The following PKD1L3 variants were observed in gnomAD, a reference collection of about 807,000 sequenced individuals.
PKD1L3 encodes polycystin-1-like protein 3.
PKD1L3 carries 239 observed loss-of-function variants against 184.1 expected under a neutral mutation model. The ratio of observed to expected loss-of-function variants is 1.30; its 90% CI spans 1.17 to 1.45. The LOEUF (loss-of-function observed/expected upper bound fraction) is 1.45. Among genes scored for constraint, PKD1L3 ranks in the 40% most tolerant of loss-of-function variants. The probability of loss-of-function intolerance (pLI) is 0.00; values close to 1 mark genes in which losing one functional copy is unlikely to be tolerated. For synonymous variants in PKD1L3, 996 were observed against 778.8 expected (o/e 1.28, Z -4.64); for missense variants, 2,660 against 2,067.2 (o/e 1.29, Z -5.56).
intron 2 of PKD1L3, among the ~76,000 whole-genome samples, chr16:71,993,673 T>G (rs926482205): frequency 1.3e-5 from 2 of 152,206 alleles, no homozygotes; most frequent in Non-Finnish European, 2.9e-5. Context: ...CCAAAAAAGT[T>G]TGCAACCTCC....
Position 71,934,005 on chromosome 16 carries a change from C to G in PKD1L3, c.4734G>C (p.Arg1578=). The change falls in exon 27 of 30, where the codon CGG becomes CGC. Residue 1578 remains arginine (R), a synonymous_variant. Coordinates refer to ENST00000620267, the MANE Select transcript of PKD1L3 (RefSeq NM_181536.2). ...WNLLRHSPRL[R]VISRTLSRAW... ...CTCGGCTCAGTGTCCTGCTGATGAC[C>G]CGCAGCCTGGGGCTATGACGCAGCA... 2 of 1,551,670 alleles carry G rather than the reference C, an allele frequency of 1.3e-6. No homozygotes were observed. The highest frequency in any genetic ancestry group is 1.7e-6 in the Non-Finnish European group (2 of 1,146,992).
chr16:71,969,678 G>T (rs546840269), intron 13 of PKD1L3, among the ~76,000 whole-genome samples, 197 bp downstream of exon 13: 1 of 145,514 alleles, frequency 6.9e-6, no homozygotes, highest in African/African-American at 2.5e-5. Flanking sequence ...GGAACCAAAG[G>T]AAAAAAAAAT....
chr16:71,946,308 T>A (rs1419053536), intron 22 of PKD1L3, among the ~76,000 whole-genome samples: 2 of 152,210 alleles, frequency 1.3e-5, no homozygotes, highest in African/African-American at 4.8e-5. Flanking sequence ...TACCCCTCTG[T>A]GATGGCATTC....
In PKD1L3 at chr16:71,947,529, C is replaced by G. The variant is rs899986949; in HGVS notation, c.3681G>C (p.Glu1227Asp). The G allele has an allele frequency of 1.0e-5, 16 of 1,542,276 alleles. No homozygotes were observed. Among genetic ancestry groups the G allele is most frequent in the Non-Finnish European group, 1.4e-5 (16 of 1,142,752 alleles). ...MMSRMPRLNK[E>D]NEQQTKRILA... ...AGATCCTCTTTGTTTGTTGTTCATT[C>G]TCTTTGTTAAGCCGTGGCATCCTGC... is the stretch of plus-strand genomic sequence containing the variant. Residue 1227 changes from glutamate (E) to aspartate (D), a missense_variant, in exon 22 of 30, where the codon GAG becomes GAC. Transcript: ENST00000620267.
At chr16:71,978,760 G>A (rs912176532) in intron 9 of PKD1L3, among the ~76,000 whole-genome samples, 2 of 151,610 alleles carry the variant, frequency 1.3e-5, no homozygotes, top group Non-Finnish European at 1.5e-5. Context: ...CGCTGGTCTC[G>A]AACTCCTGGC....
chr16:71,969,409 G>A (rs907002193), intron 13 of PKD1L3, among the ~76,000 whole-genome samples: 9 of 150,310 alleles, frequency 6.0e-5, no homozygotes, highest in South Asian at 2.1e-4. Context: ...GGGCTCAAGC[G>A]ATCTTCCCAC....
intron 12 of PKD1L3, among the ~76,000 whole-genome samples, chr16:71,972,176 A>C (rs1205987668): frequency 6.6e-6 from 1 of 151,978 alleles, no homozygotes; most frequent in East Asian, 1.9e-4. Flanking sequence ...AGATCGCGCC[A>C]CTGCACCCCA....
In PKD1L3 at chr16:71,993,244, A is replaced by C. The variant is rs2040660672; in HGVS notation, c.507T>G (p.Val169=). 1 of 1,550,124 alleles carries C rather than the reference A, an allele frequency of 6.5e-7. No individual in the cohort carries two copies. Among genetic ancestry groups the C allele is most frequent in the African/African-American group, 1.4e-5 (1 of 72,872 alleles). The change falls in exon 3 of 30, where the codon GTT becomes GTG. Residue 169 remains valine (V), a synonymous_variant. Transcript: ENST00000620267. ...YQRHKKTKRG[V]AIARDKMPPG... is the part of the protein sequence containing the mutation. ...GGGGCATTTTGTCTCTTGCTATTGC[A>C]ACTCCTCTTTTTGTCTTCTTGTGTC...
rs531518264 is a variant in PKD1L3 at position 71,962,250 on chromosome 16, A to C, written c.2612+955T>G. Among the ~76,000 whole-genome samples, 4 of 152,088 alleles carry C rather than the reference A, an allele frequency of 2.6e-5. No individual in the cohort carries two copies. In the East Asian group the frequency reaches 7.8e-4, roughly 30 times the overall value. On this transcript the variant is annotated intron_variant, in intron 16 of 29. Coordinates refer to ENST00000620267, the MANE Select transcript of PKD1L3 (RefSeq NM_181536.2). ...GGACATGGTGTGTGGGCCTCTTGCA[A>C]TCATCTTGTTCCCATGAGGAAAAAG...
chr16:71,975,450 GA>G (rs1382503197), intron 11 of PKD1L3, among the ~76,000 whole-genome samples: 2 of 152,020 alleles, frequency 1.3e-5, no homozygotes, highest in Admixed American at 6.6e-5. Context: ...GGCATACTGA[GA>G]TATCATCAGG....
intron 24 of PKD1L3, among the ~76,000 whole-genome samples, chr16:71,937,881 G>C (rs1289254563): frequency 6.6e-6 from 1 of 152,226 alleles, no homozygotes; most frequent in Non-Finnish European, 1.5e-5. Flanking sequence ...GAAAGGTCTT[G>C]TGAATACAAA....
At chr16:71,971,789 A>G (rs754225655) in intron 12 of PKD1L3, among the ~76,000 whole-genome samples, 1 of 152,200 alleles carries the variant, frequency 6.6e-6, no homozygotes, top group Non-Finnish European at 1.5e-5. Flanking sequence ...AATGGTGCAG[A>G]TGCCTTCCTA....
At chr16:71,982,278 CTTTTTTTTTT>C (rs35324670) in intron 6 of PKD1L3, 43 bp from the exon 7 acceptor site, 15 of 431,892 alleles carry the variant, frequency 3.5e-5, no homozygotes, top group South Asian at 8.9e-5. Flanking sequence ...GAATTGTTTG[CTTTTTTTTTT>C]TTTTTTTTTT....
At chr16:71,979,429 T>A (rs758480553) in intron 9 of PKD1L3, among the ~76,000 whole-genome samples, 3 of 151,466 alleles carry the variant, frequency 2.0e-5, no homozygotes, top group Admixed American at 6.6e-5. Flanking sequence ...GGGTGACAGA[T>A]TGAGACTCCA....
chr16:71,961,337 G>A (rs1165597082), intron 16 of PKD1L3, among the ~76,000 whole-genome samples: 1 of 152,082 alleles, frequency 6.6e-6, no homozygotes, highest in Non-Finnish European at 1.5e-5. Context: ...TGGCCAGGCT[G>A]GTCTCGAACT....
At chr16:71,943,106 T>A in intron 23 of PKD1L3, 82 bp from the exon 24 acceptor site, 1 of 1,171,166 alleles carries the variant, frequency 8.5e-7, no homozygotes, top group Non-Finnish European at 1.2e-6. Context: ...TTCCTAAGTC[T>A]ATAGACTTAT....
intron 16 of PKD1L3, among the ~76,000 whole-genome samples, chr16:71,955,922 G>A (rs2039027614): frequency 6.6e-6 from 1 of 152,150 alleles, no homozygotes; most frequent in African/African-American, 2.4e-5. Context: ...CCCAAGCCAT[G>A]CTTAACTGTG....
Position 71,973,362 on chromosome 16 carries a change from C to G in PKD1L3, c.1915G>C (p.Glu639Gln), listed in dbSNP as rs999119679. 3.9e-6 allele frequency: 6 copies of G among 1,551,554 alleles called. No homozygotes were observed. Among genetic ancestry groups the G allele is most frequent in the African/African-American group, 1.4e-5 (1 of 73,024 alleles). Residue 639 changes from glutamate to glutamine, a missense_variant, in exon 12 of 30, where the codon GAG (glutamate) becomes CAG (glutamine). Transcript: ENST00000620267. ...ITAVTQCYYWEIHNQTWSSAG... is the reference protein window; with the variant it reads ...ITAVTQCYYWQIHNQTWSSAG... ...CTGCTCCATGTCTGGTTGTGGATCT[C>G]CCAGTAGTAACACTGAGTGACGGCG...
chr16:71,983,986 C>T (rs1210600549), intron 6 of PKD1L3, 50 bp downstream of exon 6: 34 of 1,540,510 alleles, frequency 2.2e-5, no homozygotes, highest in South Asian at 1.1e-4. Flanking sequence ...TTCTGTTTTC[C>T]GCTTTTCCCT....
Sources: gnomAD v4.1 joint callset for allele counts (sites outside exome capture counted in the v4.1 genomes callset) on GRCh38, gnomAD v4.1.1 for gene constraint, MANE v1.5 for transcripts, NCBI Gene and HGNC (gene_info 2026-07-23, HGNC 2026-07-21) for gene names.